EDA: variants seen among roughly 807,000 people sequenced by gnomAD.
The protein encoded by EDA is ectodysplasin-A.
Under a neutral mutation model 23.6 loss-of-function variants are expected in EDA, and 2 were observed. The ratio of observed to expected loss-of-function variants is 0.08; its 90% confidence interval spans 0.03 to 0.27. The LOEUF is 0.27. Among genes scored for constraint, EDA ranks in the 10% least tolerant of loss-of-function variants. The pLI is 1.00. For synonymous variants in EDA, 131 were observed against 132.0 expected (o/e 0.99, Z 0.05); for missense variants, 229 against 324.2 (o/e 0.71, Z 2.26).
chrX:69,961,751 T>C (rs1251584477), intron 2 of EDA, among the ~76,000 whole-genome samples: 1 of 112,459 alleles, frequency 8.9e-6, no homozygotes, highest in Non-Finnish European at 1.9e-5. Flanking sequence ...TGGCCAGAAG[T>C]ATTTCAGATC....
intron 1 of EDA, among the ~76,000 whole-genome samples, chrX:69,759,277 A>C (rs1439131024): frequency 2.7e-5 from 3 of 112,309 alleles, no homozygotes; most frequent in Non-Finnish European, 5.6e-5. Flanking sequence ...GCCAGAAGGA[A>C]AATGGCTTTG....
Position 69,616,653 on chromosome X carries a change from A to G in EDA, c.345A>G (p.Pro115=), listed in dbSNP as rs775366784. The G allele has an allele frequency of 7.4e-6, 9 of 1,209,360 alleles. No individual in the cohort carries two copies. The African/African-American group carries it at 8.8e-5, about 12-fold the overall frequency. Residue 115 remains proline (P), a synonymous_variant, in exon 1 of 8, where the codon CCA becomes CCG. Transcript: ENST00000374552. ...HLGQPSPKQQ[P]LEPGEAALHS... is the part of the protein sequence containing the mutation. ...GGCAGCCGTCACCTAAGCAGCAGCC[A>G]TTGGAACCGGGAGAAGCCGCACTCC...
chrX:70,022,636 G>A (rs1045666443), intron 2 of EDA, among the ~76,000 whole-genome samples: 9 of 111,208 alleles, frequency 8.1e-5, no homozygotes, highest in Admixed American at 1.9e-4. Flanking sequence ...ACCCCCGGCC[G>A]ACATTTCTTT....
intron 1 of EDA, among the ~76,000 whole-genome samples, chrX:69,718,602 G>A (rs1240593896): frequency 1.8e-5 from 2 of 110,648 alleles, no homozygotes; most frequent in East Asian, 5.7e-4. Flanking sequence ...TACATTGATT[G>A]ATTTTTGAAT....
chrX:69,809,927 C>T (rs1211511081), intron 1 of EDA, among the ~76,000 whole-genome samples: 2 of 110,757 alleles, frequency 1.8e-5, no homozygotes, highest in Non-Finnish European at 3.8e-5. Context: ...TAAAAAAAAT[C>T]ATAAGCCTCT....
intron 1 of EDA, among the ~76,000 whole-genome samples, chrX:69,712,277 A>T (rs2012088677): frequency 9.0e-6 from 1 of 111,168 alleles, no homozygotes; most frequent in South Asian, 3.8e-4. Flanking sequence ...ATTCGGAGTA[A>T]TTATAAATGG....
At chrX:69,822,715 A>T (rs1308815947) in intron 1 of EDA, among the ~76,000 whole-genome samples, 1 of 110,642 alleles carries the variant, frequency 9.0e-6, no homozygotes, top group Non-Finnish European at 1.9e-5. Flanking sequence ...TTATTATTAT[A>T]CTTTAAGTTT....
intron 1 of EDA, among the ~76,000 whole-genome samples, chrX:69,622,798 A>G (rs1932231598): frequency 9.0e-6 from 1 of 111,481 alleles, no homozygotes; most frequent in African/African-American, 3.3e-5. Context: ...ATTCTCCCAT[A>G]TTATCTTCTA....
intron 1 of EDA, among the ~76,000 whole-genome samples, chrX:69,828,809 A>G (rs1216513463): frequency 1.8e-5 from 2 of 112,583 alleles, no homozygotes; most frequent in Non-Finnish European, 3.8e-5. Context: ...TAGCCCATCA[A>G]TGAAACCATC....
chrX:69,910,672 G>A (rs1298580252), intron 1 of EDA, among the ~76,000 whole-genome samples: 4 of 110,417 alleles, frequency 3.6e-5, no homozygotes, highest in Admixed American at 9.8e-5. Flanking sequence ...GGACTTTTCT[G>A]TGAATCTATC....
chrX:69,756,724 T>C (rs2804384), intron 1 of EDA, among the ~76,000 whole-genome samples: 34,027 of 111,310 alleles, frequency 0.31, 4,871 homozygotes, highest in Middle Eastern at 0.56. Context: ...CCCCCGTCTC[T>C]TGAATGCCCT....
At chrX:69,758,750 C>T (rs765500838) in intron 1 of EDA, among the ~76,000 whole-genome samples, 26 of 112,362 alleles carry the variant, frequency 2.3e-4, no homozygotes, top group African/African-American at 8.4e-4. Context: ...ACAGGAGAAT[C>T]GCTTGAGCCC....
intron 1 of EDA, among the ~76,000 whole-genome samples, chrX:69,815,887 A>G (rs972675132): frequency 5.3e-5 from 6 of 112,387 alleles, no homozygotes; most frequent in Admixed American, 4.7e-4. Flanking sequence ...TGACTGGGTG[A>G]GATCTTTCAA....
At chrX:69,717,122 A>G (rs1204427949) in intron 1 of EDA, among the ~76,000 whole-genome samples, 2 of 111,099 alleles carry the variant, frequency 1.8e-5, no homozygotes, top group Non-Finnish European at 3.8e-5. Flanking sequence ...GAGTGGTGAG[A>G]AAGGGCATCC....
chrX:70,014,095 C>T (rs949903128), intron 2 of EDA, among the ~76,000 whole-genome samples: 1 of 112,296 alleles, frequency 8.9e-6, no homozygotes, highest in African/African-American at 3.2e-5. Context: ...GGGGAGGGAA[C>T]ATAATGCCTG....
intron 2 of EDA, among the ~76,000 whole-genome samples, chrX:70,009,445 C>G (rs1173068673): frequency 8.9e-6 from 1 of 112,130 alleles, no homozygotes; most frequent in East Asian, 2.8e-4. Context: ...CTCCATCCCA[C>G]AAATTTTGAT....
chrX:69,902,608 C>A (rs1331023794), intron 1 of EDA, among the ~76,000 whole-genome samples: 1 of 111,920 alleles, frequency 8.9e-6, no homozygotes, highest in South Asian at 3.7e-4. Flanking sequence ...TAAAAAAATT[C>A]TGTTTGATAT....
At chrX:70,019,125 A>C (rs2019995769) in intron 2 of EDA, among the ~76,000 whole-genome samples, 1 of 111,999 alleles carries the variant, frequency 8.9e-6, no homozygotes. Context: ...GAGAAATATA[A>C]ATCAAAACTA....
Position 70,035,598 on chromosome X carries a change from C to T in EDA, c.1165C>T (p.Pro389Ser). 1.7e-6 allele frequency: 2 copies of T among 1,207,417 alleles called. No homozygotes were observed. The highest frequency in any genetic ancestry group is 2.2e-6 in the Non-Finnish European group (2 of 894,528). The stretch of plus-strand genomic sequence containing the variant: ...TGGGGCCATCAGGCTGGGTGAAGCC[C>T]CTGCATCCTAGATTCCCCCCATTTT... ...FFGAIRLGEAPAS is the reference protein window; with the variant it reads ...FFGAIRLGEASAS The change falls in exon 8 of 8, where the codon CCT becomes TCT. Residue 389 changes from proline to serine, a missense_variant. By Grantham distance (74) the Pro-to-Ser change is moderately conservative. Coordinates refer to ENST00000374552, the MANE Select transcript of EDA (RefSeq NM_001399.5).
Sources: allele counts gnomAD v4.1 joint callset (sites outside exome capture counted in the v4.1 genomes callset), GRCh38; gene constraint gnomAD v4.1.1; transcripts MANE v1.5; gene names NCBI Gene and HGNC (gene_info 2026-07-23, HGNC 2026-07-21).